The following OSBPL9 variants were observed in gnomAD, a reference collection of about 807,000 sequenced individuals.
OSBPL9 encodes oxysterol-binding protein-related protein 9.
In OSBPL9, 40 loss-of-function variants were observed where a neutral mutation model predicts 106.6. That is an observed-to-expected ratio of 0.38 (90% CI 0.29 to 0.49). OSBPL9 has a LOEUF of 0.49. Ranked by LOEUF, OSBPL9 falls within the 20% of genes least tolerant of loss-of-function variation. The pLI, the probability that OSBPL9 is intolerant of heterozygous loss-of-function variation, is 0.97. For synonymous variants in OSBPL9, 269 were observed against 295.4 expected, an observed-to-expected ratio of 0.91 and a Z score of 0.92; for missense variants, 609 against 887.2, an observed-to-expected ratio of 0.69 and a Z score of 3.98.
chr1:51,712,814 A>T (rs1248020319), intron 3 of OSBPL9, among the ~76,000 whole-genome samples: 1 of 152,172 alleles, frequency 6.6e-6, no homozygotes, highest in Non-Finnish European at 1.5e-5. Flanking sequence ...ATTGTATTTT[A>T]AAAATTGTTT....
intron 1 of OSBPL9, among the ~76,000 whole-genome samples, chr1:51,588,990 A>T (rs1165462522): frequency 6.6e-6 from 1 of 152,232 alleles, no homozygotes; most frequent in East Asian, 1.9e-4. Flanking sequence ...GATAGTAAGC[A>T]TGCAAAGGCT....
intron 4 of OSBPL9, among the ~76,000 whole-genome samples, chr1:51,739,743 T>G (rs978428338): frequency 9.2e-5 from 14 of 152,060 alleles, no homozygotes; most frequent in Non-Finnish European, 4.4e-5. Flanking sequence ...TGTTCTTCCC[T>G]TAGCAGAAAT....
At chr1:51,721,432 G>A (rs972814356) in intron 4 of OSBPL9, among the ~76,000 whole-genome samples, 6 of 152,026 alleles carry the variant, frequency 3.9e-5, no homozygotes, top group Admixed American at 2.0e-4. Context: ...CCCAAAAGAA[G>A]TATCAGGTAT....
chr1:51,542,101 T>C, the OSBPL9 span, among the ~76,000 whole-genome samples: 1 of 152,220 alleles, frequency 6.6e-6, no homozygotes, highest in South Asian at 2.1e-4. Context: ...TTGCCCAGGC[T>C]GGTCTCAAAC....
At chr1:51,661,393 A>G (rs1204671546) in intron 2 of OSBPL9, among the ~76,000 whole-genome samples, 1 of 152,210 alleles carries the variant, frequency 6.6e-6, no homozygotes, top group South Asian at 2.1e-4. Context: ...ATGATGATTC[A>G]TGTCTGAAGT....
In OSBPL9 at chr1:51,592,108, C is replaced by CTTTTTTT. The variant is rs34379031; in HGVS notation, c.-422-5998_-422-5992dup. Among the ~76,000 whole-genome samples, 120 of 76,996 alleles carry CTTTTTTT rather than the reference C, an allele frequency of 1.6e-3. 7 individuals are homozygous for CTTTTTTT. In the East Asian group the frequency reaches 0.031, roughly 20 times the overall value. The allele number at this position is 76,996 out of a possible 152,430, so 50.5% of individuals were successfully genotyped here. A position where few individuals can be genotyped will look rare whatever the true frequency, so the allele number is the denominator to read the frequency against. On this transcript the variant is annotated intron_variant, in intron 1 of 25. Transcript: ENST00000371714. ...CCTCAACGATTACTTGTTGCTAAGG[C>CTTTTTTT]TTTTTTTTTTTTTTTTTTTTTTTTG... is the stretch of plus-strand genomic sequence containing the variant.
At chr1:51,653,195 T>TG (rs1261937747) in intron 2 of OSBPL9, among the ~76,000 whole-genome samples, 1 of 150,854 alleles carries the variant, frequency 6.6e-6, no homozygotes, top group African/African-American at 2.5e-5. Context: ...TTCTAGTTTT[T>TG]GTTTTTTTTT....
chr1:51,616,768 A>G (rs77663717), upstream of OSBPL9: 1,988 of 220,710 alleles, frequency 9.0e-3, 39 homozygotes, highest in African/African-American at 0.043. Context: ...GAATGCATAA[A>G]TGAATATCAG....
upstream of OSBPL9, chr1:51,617,028 C>T (rs1351110031): frequency 7.5e-6 from 11 of 1,475,612 alleles, no homozygotes; most frequent in Non-Finnish European, 1.0e-5. Context: ...CCCGCCCCGC[C>T]CCCTGCGGCC....
chr1:51,670,566 T>C (rs972849897), intron 3 of OSBPL9, among the ~76,000 whole-genome samples: 3 of 152,198 alleles, frequency 2.0e-5, no homozygotes, highest in African/African-American at 7.2e-5. Flanking sequence ...AATTGACAGA[T>C]AGTAATGAAA....
At chr1:51,662,409 G>C (rs1305569514) in intron 2 of OSBPL9, among the ~76,000 whole-genome samples, 1 of 152,102 alleles carries the variant, frequency 6.6e-6, no homozygotes, top group Non-Finnish European at 1.5e-5. Flanking sequence ...CTGGGTTTTC[G>C]ATAGAAGAAT....
At chr1:51,756,423 G>A in intron 9 of OSBPL9, 65 bp downstream of exon 9, 9 of 1,485,300 alleles carry the variant, frequency 6.1e-6, no homozygotes, top group Non-Finnish European at 8.4e-6. Context: ...AGTCATATCA[G>A]GAGAAGCCTG....
upstream of OSBPL9, among the ~76,000 whole-genome samples, chr1:51,574,655 G>T (rs1645173083): frequency 6.6e-6 from 1 of 151,992 alleles, no homozygotes; most frequent in Non-Finnish European, 1.5e-5. Flanking sequence ...GAATTTGGTG[G>T]TTGGGTGATC....
At chr1:51,661,164 G>T (rs1647123961) in intron 2 of OSBPL9, among the ~76,000 whole-genome samples, 1 of 152,144 alleles carries the variant, frequency 6.6e-6, no homozygotes, top group Non-Finnish European at 1.5e-5. Flanking sequence ...AATGGGAGTA[G>T]CTATGCTGTG....
chr1:51,759,315 ATTTTCT>A (rs554497740), intron 9 of OSBPL9, among the ~76,000 whole-genome samples: 2 of 151,922 alleles, frequency 1.3e-5, no homozygotes, highest in Non-Finnish European at 2.9e-5. Context: ...TTGGTTTTAA[ATTTTCT>A]TTAACAGTCC....
At chr1:51,619,462 T>TC (rs771601912) in intron 1 of OSBPL9, among the ~76,000 whole-genome samples, 3 of 152,206 alleles carry the variant, frequency 2.0e-5, no homozygotes, top group African/African-American at 7.2e-5. Flanking sequence ...AATACTTTTT[T>TC]CCCCCTCAAT....
chr1:51,550,936 G>C, the OSBPL9 span, among the ~76,000 whole-genome samples: 182 of 152,178 alleles, frequency 1.2e-3, no homozygotes, highest in Non-Finnish European at 2.2e-3. Context: ...AATGATAGTA[G>C]TGATAGCAAC....
chr1:51,783,824 C>A, intron 17 of OSBPL9, 91 bp from the exon 18 acceptor site: 2 of 940,912 alleles, frequency 2.1e-6, no homozygotes, highest in Non-Finnish European at 3.3e-6. Flanking sequence ...TAAAGGATTT[C>A]CCCATGAAGC....
chr1:51,530,182 A>C, the OSBPL9 span, among the ~76,000 whole-genome samples: 13 of 116,826 alleles, frequency 1.1e-4, no homozygotes, highest in East Asian at 8.2e-4. Flanking sequence ...AAAAAAAAAA[A>C]AAAAAAAAAA....
Sources: allele counts gnomAD v4.1 joint callset (sites outside exome capture counted in the v4.1 genomes callset), GRCh38; gene constraint gnomAD v4.1.1; transcripts MANE v1.5; gene names NCBI Gene and HGNC (gene_info 2026-07-23, HGNC 2026-07-21).